NT5C3A: variants seen among roughly 807,000 people sequenced by gnomAD.
NT5C3A encodes the protein cytosolic 5'-nucleotidase 3A.
NT5C3A carries 23 observed loss-of-function variants against 40.0 expected under a neutral mutation model. That is an observed-to-expected ratio of 0.58 (90% CI 0.41 to 0.81). The LOEUF (loss-of-function observed/expected upper bound fraction) is 0.81. Ranked by LOEUF, NT5C3A falls within the 40% of genes least tolerant of loss-of-function variation. The probability of loss-of-function intolerance (pLI) is 0.00; values close to 1 mark genes in which losing one functional copy is unlikely to be tolerated. For missense variants in NT5C3A, 328 were observed against 403.0 expected (o/e 0.81, Z 1.59); for synonymous variants, 130 against 141.4 (o/e 0.92, Z 0.57).
chr7:33,027,353 G>A (rs4723237), intron 1 of NT5C3A, among the ~76,000 whole-genome samples: 1,611 of 152,116 alleles, frequency 0.011, 75 homozygotes, highest in Admixed American at 0.07. Flanking sequence ...TAAAAGTGTG[G>A]GACACCAAGC....
At chr7:33,032,453 T>C (rs989216488) in intron 1 of NT5C3A, among the ~76,000 whole-genome samples, 2 of 150,838 alleles carry the variant, frequency 1.3e-5, no homozygotes, top group African/African-American at 4.9e-5. Flanking sequence ...TTTACTTTTA[T>C]GTTTTTTTAT....
Position 33,021,254 on chromosome 7 carries a change from T to A in NT5C3A, c.440+18A>T. ...TATTATTTTTTTTTAATCCTCCTAC[T>A]GCCTAATATACACTTACCATTCCAC... On this transcript the variant is annotated intron_variant, in intron 5 of 8. Transcript: ENST00000610140. The A allele has an allele frequency of 6.2e-7, 1 of 1,610,820 alleles. No homozygotes were observed. Among genetic ancestry groups the A allele is most frequent in the East Asian group, 2.2e-5 (1 of 44,664 alleles).
Position 33,062,631 on chromosome 7 carries a change from C to T in NT5C3A, c.75G>A (p.Val25=). ...ASVCALVAGV[V]LAQYIFTLKR... ...TCAAGGTGAATATGTACTGAGCCAG[C>T]ACCACCCCCGCCACCAGGGCGCACA... The change falls in exon 1 of 9, where the codon GTG becomes GTA. Residue 25 remains valine, a synonymous_variant. Transcript: ENST00000610140. 1 of 1,604,660 alleles carries T rather than the reference C, an allele frequency of 6.2e-7. No individual in the cohort carries two copies. The highest frequency in any genetic ancestry group is 1.1e-5 in the South Asian group (1 of 89,994).
chr7:33,024,568 T>A (rs1583909432), intron 2 of NT5C3A, among the ~76,000 whole-genome samples: 1 of 151,988 alleles, frequency 6.6e-6, no homozygotes, highest in African/African-American at 2.4e-5. Flanking sequence ...GGAGGGTTGG[T>A]GAGATAAAGA....
At chr7:33,060,321 T>A (rs1583977914) in intron 1 of NT5C3A, among the ~76,000 whole-genome samples, 1 of 150,852 alleles carries the variant, frequency 6.6e-6, no homozygotes, top group Middle Eastern at 3.4e-3. Flanking sequence ...TTTACAAAAT[T>A]CCTTTACAAT....
intron 1 of NT5C3A, among the ~76,000 whole-genome samples, chr7:33,040,718 A>C (rs1786872344): frequency 6.6e-6 from 1 of 152,202 alleles, no homozygotes; most frequent in South Asian, 2.1e-4. Context: ...TTTCTTCACA[A>C]ATTATAAAGA....
chr7:33,043,797 G>A (rs1004572034), intron 1 of NT5C3A, among the ~76,000 whole-genome samples: 2 of 152,162 alleles, frequency 1.3e-5, no homozygotes, highest in African/African-American at 4.8e-5. Flanking sequence ...GAGATAGTGG[G>A]ACTGGTGGGG....
intron 1 of NT5C3A, among the ~76,000 whole-genome samples, chr7:33,041,695 T>C (rs1202687552): frequency 6.6e-6 from 1 of 152,104 alleles, no homozygotes; most frequent in Non-Finnish European, 1.5e-5. Flanking sequence ...GGGAAAAAGT[T>C]CCTGCCTGTT....
At chr7:33,046,623 T>C (rs761362114) in intron 1 of NT5C3A, among the ~76,000 whole-genome samples, 49 of 152,338 alleles carry the variant, frequency 3.2e-4, no homozygotes, top group Admixed American at 7.8e-4. Flanking sequence ...TCTTTTTTAC[T>C]TTCTTACTTA....
At chr7:33,052,824 G>T (rs1264721043) in intron 1 of NT5C3A, among the ~76,000 whole-genome samples, 2 of 152,102 alleles carry the variant, frequency 1.3e-5, no homozygotes, top group African/African-American at 4.8e-5. Flanking sequence ...CAGACTGCTG[G>T]GTCCAACCTC....
At position 33,033,896 on chromosome 7, in the gene NT5C3A, T is replaced by TA. The variant is rs10691796; in HGVS notation, c.139-6982_139-6981insT. ...AAAAGACATATATATATATATATAA[T>TA]TTTTTTTTTTTTTGAGAGGGAGTCT... On this transcript the variant is annotated intron_variant, in intron 1 of 8. Transcript: ENST00000610140. 3.3e-3 allele frequency among the ~76,000 whole-genome samples: 393 copies of TA among 120,132 alleles called. 1 individual carries two copies. The highest frequency in any genetic ancestry group is 6.7e-3 in the Admixed American group (77 of 11,512). 78.8% of individuals were successfully genotyped at this position (120,132 alleles called of 152,430 possible).
At chr7:33,020,313 A>C (rs1224312426) in intron 5 of NT5C3A, among the ~76,000 whole-genome samples, 1 of 151,684 alleles carries the variant, frequency 6.6e-6, no homozygotes, top group Non-Finnish European at 1.5e-5. Context: ...AAAAAAGCCT[A>C]ACTCTTCATC....
chr7:33,044,144 C>T (rs1787044187), intron 1 of NT5C3A, among the ~76,000 whole-genome samples: 1 of 151,940 alleles, frequency 6.6e-6, no homozygotes, highest in Non-Finnish European at 1.5e-5. Context: ...TCTCCTGCCT[C>T]AGCCTTCCTG....
intron 1 of NT5C3A, among the ~76,000 whole-genome samples, chr7:33,047,745 C>A (rs1433334017): frequency 6.6e-6 from 1 of 152,114 alleles, no homozygotes; most frequent in Non-Finnish European, 1.5e-5. Flanking sequence ...TTATAGATTT[C>A]TTTTGCTCAT....
At chr7:33,040,898 C>G (rs1182633132) in intron 1 of NT5C3A, 6 of 985,276 alleles carry the variant, frequency 6.1e-6, no homozygotes, top group African/African-American at 3.5e-5. Context: ...CGAGCTACAC[C>G]AGCAAAAGAA....
At chr7:33,043,304 G>A (rs1583952923) in intron 1 of NT5C3A, among the ~76,000 whole-genome samples, 1 of 152,264 alleles carries the variant, frequency 6.6e-6, no homozygotes, top group Non-Finnish European at 1.5e-5. Flanking sequence ...GTATAGGAAA[G>A]TTTAAAATAG....
chr7:33,055,290 G>A (rs1319113988), intron 1 of NT5C3A, among the ~76,000 whole-genome samples: 3 of 151,382 alleles, frequency 2.0e-5, no homozygotes, highest in African/African-American at 7.3e-5. Context: ...ATGCTACTGC[G>A]CTCCAGCACA....
chr7:33,045,634 A>G (rs10807866), intron 1 of NT5C3A, among the ~76,000 whole-genome samples: 109,290 of 151,650 alleles, frequency 0.72, 39,606 homozygotes, highest in African/African-American at 0.77. Context: ...TAATTTTTGT[A>G]TTTTTAGTAG....
chr7:33,047,288 C>A (rs909624389), intron 1 of NT5C3A, among the ~76,000 whole-genome samples: 1 of 152,026 alleles, frequency 6.6e-6, no homozygotes, highest in African/African-American at 2.4e-5. Flanking sequence ...TGCACTATAT[C>A]GAGTACATCT....
Sources: gnomAD v4.1 joint callset for allele counts (sites outside exome capture counted in the v4.1 genomes callset) on GRCh38, gnomAD v4.1.1 for gene constraint, MANE v1.5 for transcripts, NCBI Gene and HGNC (gene_info 2026-07-23, HGNC 2026-07-21) for gene names.